Variants in WWP2 observed in about 807,000 individuals in gnomAD.
WWP2 encodes the protein WW domain containing E3 ubiquitin protein ligase 2, also known as NEDD4-like E3 ubiquitin-protein ligase WWP2.
WWP2 carries 57 observed loss-of-function variants against 121.0 expected under a neutral mutation model. The ratio of observed to expected loss-of-function variants is 0.47; its 90% CI spans 0.38 to 0.59. The LOEUF (loss-of-function observed/expected upper bound fraction) is 0.59. Among genes scored for constraint, WWP2 ranks in the 20% least tolerant of loss-of-function variants. The probability of loss-of-function intolerance (pLI) is 0.00; values close to 1 mark genes in which losing one functional copy is unlikely to be tolerated. For missense variants in WWP2, 962 were observed against 1,158.9 expected (o/e 0.83, Z 2.47); for synonymous variants, 449 against 441.3 (o/e 1.02, Z -0.22).
intron 1 of WWP2, among the ~76,000 whole-genome samples, chr16:69,779,324 A>G (rs965964433): frequency 6.6e-6 from 1 of 152,242 alleles, no homozygotes; most frequent in African/African-American, 2.4e-5. Context: ...ATATAATGTC[A>G]GGGTGGTATC....
chr16:69,857,229 G>A (rs1460200506), intron 6 of WWP2, among the ~76,000 whole-genome samples: 1 of 151,930 alleles, frequency 6.6e-6, no homozygotes, highest in Non-Finnish European at 1.5e-5. Flanking sequence ...TCAGCCTCCC[G>A]AGTAGCTGGG....
chr16:69,784,427 C>G (rs1442957903), intron 1 of WWP2, among the ~76,000 whole-genome samples: 4 of 152,148 alleles, frequency 2.6e-5, no homozygotes, highest in African/African-American at 4.8e-5. Flanking sequence ...GACATTAACA[C>G]TTTGCCTTTT....
intron 8 of WWP2, among the ~76,000 whole-genome samples, chr16:69,902,698 C>G (rs746940182): frequency 6.6e-6 from 1 of 152,128 alleles, no homozygotes; most frequent in African/African-American, 2.4e-5. Flanking sequence ...GAAATATAAC[C>G]TCTGACAGGG....
chr16:69,799,729 C>T lies in WWP2; in HGVS notation c.340+434C>T, dbSNP rs760789476. ...GTGCATGCCTGTGTGCATGTGTGCA[C>T]GTGTGTGTCTGGGATAGTATTACAA... On this transcript the variant is annotated intron_variant, in intron 4 of 23. Coordinates refer to ENST00000359154, the MANE Select transcript of WWP2 (RefSeq NM_001270454.2). The surrounding 1 kb of genome is among the most constrained non-coding windows in gnomAD (Gnocchi z 4.5). 2.6e-4 allele frequency among the ~76,000 whole-genome samples: 39 copies of T among 152,228 alleles called. No individual in the cohort carries two copies. Among genetic ancestry groups the T allele is most frequent in the African/African-American group, 8.7e-4 (36 of 41,540 alleles).
chr16:69,816,311 A>G (rs906387135), intron 4 of WWP2, among the ~76,000 whole-genome samples: 4 of 151,876 alleles, frequency 2.6e-5, no homozygotes, highest in African/African-American at 9.7e-5. Flanking sequence ...AGCCCAGTGC[A>G]GTGGCTCACG....
At chr16:69,807,280 C>G (rs2056298888) in intron 4 of WWP2, among the ~76,000 whole-genome samples, 3 of 152,140 alleles carry the variant, frequency 2.0e-5, no homozygotes, top group African/African-American at 7.2e-5. Context: ...GGTGATCCAC[C>G]TGCCTCAGTC....
At chr16:69,775,232 G>A (rs77370252) in intron 1 of WWP2, 1 of 152,090 alleles carries the variant, frequency 6.6e-6, no homozygotes, top group African/African-American at 2.4e-5. Context: ...CTTTCCTTGG[G>A]GTATAAGGAG....
intron 1 of WWP2, among the ~76,000 whole-genome samples, chr16:69,762,911 C>G (rs1005033155): frequency 4.6e-5 from 7 of 152,118 alleles, no homozygotes; most frequent in Admixed American, 3.9e-4. Flanking sequence ...TTTTAAACTT[C>G]AGGAGGGATC....
In WWP2 at chr16:69,870,678, G is replaced by C. The variant is rs76125541; in HGVS notation, c.576-1126G>C. ...TCTCTGGGTCTCTGTTTCTCTGTCT[G>C]GAGAGGGGTGATCTTTTCTTCACTG... is the stretch of plus-strand genomic sequence containing the variant. On this transcript the variant is annotated intron_variant, in intron 6 of 23. Coordinates refer to ENST00000359154, the MANE Select transcript of WWP2 (RefSeq NM_001270454.2). 2.7e-4 allele frequency among the ~76,000 whole-genome samples: 41 copies of C among 152,258 alleles called. No individual in the cohort carries two copies. The East Asian group carries it at 7.3e-3, about 27-fold the overall frequency.
At chr16:69,829,716 CT>C (rs2151857018) in intron 4 of WWP2, among the ~76,000 whole-genome samples, 1 of 152,332 alleles carries the variant, frequency 6.6e-6, no homozygotes, top group Admixed American at 6.5e-5. Context: ...GAAACCTTTT[CT>C]TACAGTTGCA....
intron 1 of WWP2, among the ~76,000 whole-genome samples, chr16:69,768,962 A>T (rs62050038): frequency 0.12 from 19,012 of 152,238 alleles, 1,473 homozygotes; most frequent in Non-Finnish European, 0.17. Context: ...GTGTTGGAGT[A>T]GCATGAGCCT....
chr16:69,927,254 C>G (rs538554752), intron 11 of WWP2, among the ~76,000 whole-genome samples: 1 of 152,208 alleles, frequency 6.6e-6, no homozygotes, highest in South Asian at 2.1e-4. Context: ...CAGGGCTCAC[C>G]GAGAATGAAC....
intron 4 of WWP2, among the ~76,000 whole-genome samples, chr16:69,811,539 G>A (rs1003974364): frequency 6.6e-6 from 1 of 152,110 alleles, no homozygotes; most frequent in Non-Finnish European, 1.5e-5. Flanking sequence ...CTTGAGCCTA[G>A]GAGTTTGAGA....
At chr16:69,763,240 T>C (rs1327742905) in intron 1 of WWP2, among the ~76,000 whole-genome samples, 2 of 152,160 alleles carry the variant, frequency 1.3e-5, no homozygotes, top group Non-Finnish European at 2.9e-5. Context: ...CCGTTTAAAT[T>C]ATTCAGTTTC....
intron 1 of WWP2, 87 bp from the exon 2 acceptor site, chr16:69,786,909 C>A (rs2055805344): frequency 8.1e-7 from 1 of 1,230,650 alleles, no homozygotes; most frequent in Non-Finnish European, 1.1e-6. Flanking sequence ...TTGCCTGTTT[C>A]TTTAAGCTTA....
chr16:69,769,954 A>G (rs2055381129), intron 1 of WWP2, among the ~76,000 whole-genome samples: 1 of 149,102 alleles, frequency 6.7e-6, no homozygotes, highest in Non-Finnish European at 1.5e-5. Flanking sequence ...GGCTCGCTGC[A>G]GCCTCTAAGC....
At chr16:69,917,909 G>A in intron 10 of WWP2, 26 bp downstream of exon 10, 1 of 1,597,918 alleles carries the variant, frequency 6.3e-7, no homozygotes, top group Non-Finnish European at 8.6e-7. Context: ...CTTGGCCCGA[G>A]GTGGGGCCGC....
At chr16:69,833,886 G>A (rs1000491388) in intron 4 of WWP2, among the ~76,000 whole-genome samples, 2 of 152,218 alleles carry the variant, frequency 1.3e-5, no homozygotes, top group Admixed American at 6.5e-5. Context: ...CCTGGCTGAT[G>A]TGCTCGGTGG....
At chr16:69,776,041 G>C (rs933395056) in intron 1 of WWP2, 1 of 152,210 alleles carries the variant, frequency 6.6e-6, no homozygotes, top group Non-Finnish European at 1.5e-5. Context: ...CTAATTCCCT[G>C]TTGTTGTACT....
Sources: allele counts gnomAD v4.1 joint callset (sites outside exome capture counted in the v4.1 genomes callset), GRCh38; gene constraint gnomAD v4.1.1; non-coding constraint Gnocchi (gnomAD v3.1); transcripts MANE v1.5; gene names NCBI Gene and HGNC (gene_info 2026-07-23, HGNC 2026-07-21).